The following DPT variants were observed in gnomAD, a reference collection of about 807,000 sequenced individuals.
The protein encoded by DPT is dermatopontin.
DPT carries 21 observed loss-of-function variants against 31.2 expected under a neutral mutation model. That is an observed-to-expected ratio of 0.67 (90% CI 0.48 to 0.97). DPT has a LOEUF of 0.97. Ranked by LOEUF, DPT falls within the 50% of genes least tolerant of loss-of-function variation. The pLI is 0.00. For synonymous variants in DPT, 91 were observed against 86.9 expected (o/e 1.05, Z -0.26); for missense variants, 262 against 258.8 (o/e 1.01, Z -0.08).
At chr1:168,723,822 T>C (rs2101912739) in intron 1 of DPT, among the ~76,000 whole-genome samples, 1 of 152,232 alleles carries the variant, frequency 6.6e-6, no homozygotes, top group East Asian at 1.9e-4. Context: ...TGCATCCTTA[T>C]ATTTATTTTT....
intron 2 of DPT, among the ~76,000 whole-genome samples, chr1:168,708,947 T>C (rs1322860911): frequency 1.3e-5 from 2 of 152,230 alleles, no homozygotes; most frequent in Non-Finnish European, 2.9e-5. Flanking sequence ...AATCAACTGA[T>C]GTTAACTAGA....
At position 168,696,476 on chromosome 1, in the gene DPT, T is replaced by C; in HGVS notation, c.*73A>G. 1 of 1,322,936 alleles carries C rather than the reference T, an allele frequency of 7.6e-7. No homozygotes were observed. The highest frequency in any genetic ancestry group is 1.1e-6 in the Non-Finnish European group (1 of 942,968). 81.9% of individuals were successfully genotyped at this position (1,322,936 alleles called of 1,614,324 possible). A position where few individuals can be genotyped will look rare whatever the true frequency, so the allele number is the denominator to read the frequency against. On this transcript the variant is annotated 3_prime_UTR_variant, in exon 4 of 4. Transcript: ENST00000367817. ...CAGAAACTTCTATAGGAGATCCAAC[T>C]GATGTTAACATATGTGGACACCCTC...
chr1:168,705,820 AC>A (rs1437276308), intron 2 of DPT, among the ~76,000 whole-genome samples: 28 of 152,314 alleles, frequency 1.8e-4, no homozygotes, highest in African/African-American at 6.0e-4. Flanking sequence ...AGGTAATTGA[AC>A]CTTTGGGCAG....
chr1:168,696,553 A>G lies in DPT; in HGVS notation c.602T>C (p.Val201Ala). 6.2e-7 allele frequency: 1 copy of G among 1,614,008 alleles called. No individual in the cohort carries two copies. The change falls in exon 4 of 4, where the codon GTT becomes GCT. Residue 201 changes from valine (V) to alanine (A), a missense_variant. Physicochemically the swap from Val to Ala is moderately conservative, Grantham distance 64. Coordinates refer to ENST00000367817, the MANE Select transcript of DPT (RefSeq NM_001937.5). ...CAGATTTGGTATGTGGCAAATCTAA[A>G]CATTTGCAAATTCACAGTCGTATTC... ...MTEYDCEFANV is the reference protein window; with the variant it reads ...MTEYDCEFANA
chr1:168,729,100 G>A lies in DPT; in HGVS notation c.75C>T (p.Tyr25=). The change falls in exon 1 of 4, where the codon TAC becomes TAT. Residue 25 remains tyrosine, a synonymous_variant. Coordinates refer to ENST00000367817, the MANE Select transcript of DPT (RefSeq NM_001937.5). ...TGTAGTCATGATACTGCTGGTATGGGTATCCATAATCGCCATACTGGCCCC... is the reference window on the plus strand; with the variant it reads ...TGTAGTCATGATACTGCTGGTATGGATATCCATAATCGCCATACTGGCCCC... ...MAWGQYGDYG[Y]PYQQYHDYSD... is the part of the protein sequence containing the mutation. 6.2e-7 allele frequency: 1 copy of A among 1,614,126 alleles called. No individual in the cohort carries two copies. Among genetic ancestry groups the A allele is most frequent in the South Asian group, 1.1e-5 (1 of 91,078 alleles).
chr1:168,704,483 C>G (rs922428470), intron 2 of DPT, among the ~76,000 whole-genome samples: 1 of 152,212 alleles, frequency 6.6e-6, no homozygotes, highest in African/African-American at 2.4e-5. Context: ...GGAGGCGGAG[C>G]TTGCAGTGAG....
chr1:168,727,599 G>C (rs1334354975), intron 1 of DPT, among the ~76,000 whole-genome samples: 1 of 149,182 alleles, frequency 6.7e-6, no homozygotes. Context: ...ATACAGTGGT[G>C]CGAGCATGGC....
chr1:168,705,088 G>T (rs1649689688), intron 2 of DPT, among the ~76,000 whole-genome samples: 1 of 152,204 alleles, frequency 6.6e-6, no homozygotes, highest in African/African-American at 2.4e-5. Context: ...TTTATTCATT[G>T]TCAGAGGTTG....
chr1:168,698,642 C>G (rs1344736173), intron 3 of DPT, among the ~76,000 whole-genome samples: 2 of 152,066 alleles, frequency 1.3e-5, no homozygotes, highest in Non-Finnish European at 2.9e-5. Context: ...TCTGCAACTT[C>G]TTTTGGTTAG....
chr1:168,712,871 G>A (rs150986246), intron 2 of DPT, among the ~76,000 whole-genome samples: 72 of 152,260 alleles, frequency 4.7e-4, no homozygotes, highest in Admixed American at 1.1e-3. Context: ...GTATTAACAT[G>A]CTAAGTGCAT....
intron 1 of DPT, among the ~76,000 whole-genome samples, chr1:168,721,015 A>G (rs968949375): frequency 6.6e-6 from 1 of 152,232 alleles, no homozygotes; most frequent in Non-Finnish European, 1.5e-5. Context: ...AGTAAACACT[A>G]TGACATTGGA....
chr1:168,714,878 TGAATGTGCCC>T (rs1649944245), intron 1 of DPT, among the ~76,000 whole-genome samples: 1 of 152,204 alleles, frequency 6.6e-6, no homozygotes, highest in Admixed American at 6.5e-5. Flanking sequence ...ATGGGCATGG[TGAATGTGCCC>T]AGGGCAGCCC....
chr1:168,699,599 T>TTAA (rs1557845375), intron 3 of DPT, among the ~76,000 whole-genome samples: 2 of 147,706 alleles, frequency 1.4e-5, no homozygotes, highest in African/African-American at 5.0e-5. Flanking sequence ...TTTTTTTTTT[T>TTAA]AAAAAAAAAA....
In DPT at chr1:168,728,856, G is replaced by T. The variant is rs773997992; in HGVS notation, c.305+14C>A. On this transcript the variant is annotated intron_variant, in intron 1 of 3. Transcript: ENST00000367817. Reference sequence around the variant, plus strand: ...TGTTCCCAGCCCCAGTGCAGTGCAGGGACTGGCCCTTACCATTCCATGCCA... The same window carrying T: ...TGTTCCCAGCCCCAGTGCAGTGCAGTGACTGGCCCTTACCATTCCATGCCA... The T allele has an allele frequency of 1.9e-6, 3 of 1,613,186 alleles. No individual in the cohort carries two copies. The African/African-American group carries it at 4.0e-5, about 22-fold the overall frequency.
intron 3 of DPT, among the ~76,000 whole-genome samples, chr1:168,697,589 T>A (rs763653042): frequency 6.6e-6 from 1 of 152,234 alleles, no homozygotes; most frequent in Non-Finnish European, 1.5e-5. Flanking sequence ...AGGGTGAATT[T>A]ATGTTCTTTA....
intron 2 of DPT, among the ~76,000 whole-genome samples, chr1:168,702,164 G>T (rs1313044028): frequency 2.0e-5 from 3 of 152,170 alleles, no homozygotes; most frequent in Admixed American, 2.0e-4. Flanking sequence ...AGGGACGCTT[G>T]GAAAACAACT....
intron 1 of DPT, among the ~76,000 whole-genome samples, chr1:168,720,406 G>T (rs2101910537): frequency 6.6e-6 from 1 of 152,232 alleles, no homozygotes; most frequent in South Asian, 2.1e-4. Context: ...TTTGCAAGGT[G>T]TGTGAGTGTC....
At chr1:168,702,003 G>A (rs1368658723) in intron 2 of DPT, among the ~76,000 whole-genome samples, 2 of 149,614 alleles carry the variant, frequency 1.3e-5, no homozygotes, top group South Asian at 2.1e-4. Flanking sequence ...AGTAAATCCT[G>A]AGCCTTCATA....
intron 1 of DPT, among the ~76,000 whole-genome samples, chr1:168,727,584 A>G (rs1572634915): frequency 1.4e-5 from 2 of 140,130 alleles, no homozygotes; most frequent in East Asian, 2.1e-4. Context: ...GCCACCCAGG[A>G]GGGAATACAG....
Sources: allele counts gnomAD v4.1 joint callset (sites outside exome capture counted in the v4.1 genomes callset), GRCh38; gene constraint gnomAD v4.1.1; transcripts MANE v1.5; gene names NCBI Gene and HGNC (gene_info 2026-07-23, HGNC 2026-07-21).